Variants in MAP7 observed in about 807,000 individuals in gnomAD.
MAP7 encodes the protein ensconsin.
In MAP7, 52 loss-of-function variants were observed where a neutral mutation model predicts 94.8. That is an observed-to-expected ratio of 0.55 (90% CI 0.44 to 0.69). The LOEUF (loss-of-function observed/expected upper bound fraction) is 0.69. Among genes scored for constraint, MAP7 ranks in the 30% least tolerant of loss-of-function variants. The pLI, the probability that MAP7 is intolerant of heterozygous loss-of-function variation, is 0.00. For missense variants in MAP7, 940 were observed against 964.6 expected, an observed-to-expected ratio of 0.97 and a Z score of 0.34; for synonymous variants, 350 against 357.0, an observed-to-expected ratio of 0.98 and a Z score of 0.22.
intron 1 of MAP7, among the ~76,000 whole-genome samples, chr6:136,519,786 T>C (rs988340332): frequency 1.3e-5 from 2 of 152,332 alleles, no homozygotes; most frequent in Admixed American, 1.3e-4. Flanking sequence ...TATGATTAGC[T>C]AACAAAAGGG....
At chr6:136,544,338 T>C (rs1399401743) in intron 1 of MAP7, among the ~76,000 whole-genome samples, 3 of 152,222 alleles carry the variant, frequency 2.0e-5, no homozygotes, top group African/African-American at 4.8e-5. Context: ...CTACCTTTCT[T>C]CCCAAACTGC....
intron 1 of MAP7, among the ~76,000 whole-genome samples, chr6:136,547,647 C>T (rs370133565): frequency 2.6e-5 from 4 of 152,018 alleles, no homozygotes; most frequent in East Asian, 3.8e-4. Context: ...TTTTCATCCT[C>T]AAGAAAAATA....
intron 1 of MAP7, among the ~76,000 whole-genome samples, chr6:136,456,819 GAAGGAAGAA>G (rs1803249694): frequency 1.1e-5 from 1 of 89,704 alleles, no homozygotes; most frequent in East Asian, 3.9e-4. Flanking sequence ...AGAAGAAGAA[GAAGGAAGAA>G]GAAGAAGAAG....
intron 1 of MAP7, among the ~76,000 whole-genome samples, chr6:136,435,822 A>T (rs921228639): frequency 9.2e-5 from 14 of 152,228 alleles, no homozygotes; most frequent in African/African-American, 3.1e-4. Context: ...AATCTGAGCA[A>T]TTTGAAGGTA....
At chr6:136,436,026 T>C (rs1255579269) in intron 1 of MAP7, among the ~76,000 whole-genome samples, 4 of 152,214 alleles carry the variant, frequency 2.6e-5, no homozygotes, top group Non-Finnish European at 5.9e-5. Flanking sequence ...CTAATTCATA[T>C]ATGAACTTCT....
At chr6:136,501,129 C>T (rs1032126907) in intron 1 of MAP7, among the ~76,000 whole-genome samples, 1 of 152,054 alleles carries the variant, frequency 6.6e-6, no homozygotes, top group Admixed American at 6.6e-5. Context: ...AACTAAAAAC[C>T]TGAAATGTTT....
chr6:136,479,215 T>C lies in MAP7; in HGVS notation c.68-57416A>G, dbSNP rs562710811. Among the ~76,000 whole-genome samples the C allele has an allele frequency of 2.6e-5, 4 of 152,150 alleles. 1 individual carries two copies. The South Asian group carries it at 8.3e-4, about 32-fold the overall frequency. ...CCAGGAATGAAAGGATGGTTCAACATCGCAAACTCAACGTGATACATCATA... is the reference window on the plus strand; with the variant it reads ...CCAGGAATGAAAGGATGGTTCAACACCGCAAACTCAACGTGATACATCATA... On this transcript the variant is annotated intron_variant, in intron 1 of 17. Coordinates refer to ENST00000354570, the MANE Select transcript of MAP7 (RefSeq NM_003980.6).
chr6:136,474,044 A>G (rs1809995930), intron 1 of MAP7, among the ~76,000 whole-genome samples: 1 of 152,094 alleles, frequency 6.6e-6, no homozygotes, highest in Non-Finnish European at 1.5e-5. Flanking sequence ...AGTACAGGTT[A>G]AGGAGGACCC....
chr6:136,424,049 C>T (rs573082919), intron 1 of MAP7, among the ~76,000 whole-genome samples: 5 of 152,034 alleles, frequency 3.3e-5, no homozygotes, highest in African/African-American at 7.2e-5. Flanking sequence ...CTGCCTGCCT[C>T]GGCCTCCCAA....
Position 136,365,825 on chromosome 6 carries a change from C to T in MAP7, c.1183G>A (p.Glu395Lys). ...PEKEPQKVAN[E>K]PSLKGRAPLV... ...GGTGCTCTGCCCTTTAGTGAGGGCT[C>T]ATTGGCAACTTTCTGAGGTTCCTTC... Residue 395 changes from glutamate to lysine, a missense_variant, in exon 10 of 18, where the codon GAG (glutamate) becomes AAG (lysine). Physicochemically the swap from Glu to Lys is moderately conservative, Grantham distance 56 (BLOSUM62 1). Coordinates refer to ENST00000354570, the MANE Select transcript of MAP7 (RefSeq NM_003980.6). The T allele has an allele frequency of 6.2e-7, 1 of 1,614,146 alleles. No individual in the cohort carries two copies. The highest frequency in any genetic ancestry group is 8.5e-7 in the Non-Finnish European group (1 of 1,180,036).
chr6:136,504,730 G>A (rs1293713278), intron 1 of MAP7, among the ~76,000 whole-genome samples: 1 of 152,044 alleles, frequency 6.6e-6, no homozygotes, highest in Non-Finnish European at 1.5e-5. Flanking sequence ...GCCCAAGCTG[G>A]AGTGCAGTGG....
chr6:136,375,942 A>G (rs1439628124), intron 7 of MAP7, among the ~76,000 whole-genome samples: 1 of 152,212 alleles, frequency 6.6e-6, no homozygotes, highest in Non-Finnish European at 1.5e-5. Flanking sequence ...AAAAGACTAG[A>G]GGGAGAGTGA....
At chr6:136,526,083 T>C in intron 1 of MAP7, 1 of 1,428,410 alleles carries the variant, frequency 7.0e-7, no homozygotes, top group Non-Finnish European at 9.1e-7. Context: ...TGAGCACTTG[T>C]AATAGATCCC....
intron 3 of MAP7, among the ~76,000 whole-genome samples, chr6:136,398,157 A>T (rs1333259468): frequency 6.6e-6 from 1 of 152,232 alleles, no homozygotes; most frequent in East Asian, 1.9e-4. Context: ...AGGAATTAAA[A>T]ATGAAAAGCA....
chr6:136,496,859 CAGA>C (rs1818394775), intron 1 of MAP7, among the ~76,000 whole-genome samples: 1 of 148,980 alleles, frequency 6.7e-6, no homozygotes, highest in Non-Finnish European at 1.5e-5. Context: ...GAGGCTGAGG[CAGA>C]AGAATTGCTT....
intron 1 of MAP7, among the ~76,000 whole-genome samples, chr6:136,546,018 CTT>C (rs1159446026): frequency 2.0e-5 from 3 of 152,042 alleles, no homozygotes; most frequent in African/African-American, 4.8e-5. Flanking sequence ...TTCTTTCTAA[CTT>C]TTTGTTTTTT....
At chr6:136,484,020 C>T (rs187029739) in intron 1 of MAP7, among the ~76,000 whole-genome samples, 128 of 152,310 alleles carry the variant, frequency 8.4e-4, no homozygotes, top group African/African-American at 3.0e-3. Context: ...TAGAATCTCT[C>T]TTATCTAGAG....
At chr6:136,402,905 C>CAAAAAAAA (rs57114676) in intron 3 of MAP7, among the ~76,000 whole-genome samples, 21 of 67,392 alleles carry the variant, frequency 3.1e-4, no homozygotes, top group East Asian at 5.6e-4. Flanking sequence ...GACTCTGTCT[C>CAAAAAAAA]AAAAAAAAAA....
At chr6:136,540,487 G>A (rs1829212651) in intron 1 of MAP7, among the ~76,000 whole-genome samples, 1 of 152,154 alleles carries the variant, frequency 6.6e-6, no homozygotes, top group Admixed American at 6.5e-5. Context: ...ACAGAAATGT[G>A]CGTACATGTG....
Sources: allele counts gnomAD v4.1 joint callset (sites outside exome capture counted in the v4.1 genomes callset), GRCh38; gene constraint gnomAD v4.1.1; transcripts MANE v1.5; gene names NCBI Gene and HGNC (gene_info 2026-07-23, HGNC 2026-07-21).